WDR11: variants seen among roughly 807,000 people sequenced by gnomAD.
The protein encoded by WDR11 is WD repeat-containing protein 11.
WDR11 carries 83 observed loss-of-function variants against 151.2 expected under a neutral mutation model. That is an observed-to-expected ratio of 0.55 (90% confidence interval 0.46 to 0.66). The LOEUF is 0.66. Ranked by LOEUF, WDR11 falls within the 30% of genes least tolerant of loss-of-function variation. The probability of loss-of-function intolerance (pLI) is 0.00; values close to 1 mark genes in which losing one functional copy is unlikely to be tolerated. For missense variants in WDR11, 1,301 were observed against 1,480.9 expected (o/e 0.88, Z 1.99); for synonymous variants, 484 against 533.1 (o/e 0.91, Z 1.27).
At chr10:120,902,215 T>C in intron 21 of WDR11, 42 bp from the exon 22 acceptor site, 1 of 1,557,638 alleles carries the variant, frequency 6.4e-7, no homozygotes, top group Non-Finnish European at 8.9e-7. Context: ...TATTGTTTGA[T>C]TGAAAACTTT....
intron 1 of WDR11, chr10:120,851,811 G>C (rs1845785667): frequency 2.0e-6 from 1 of 497,204 alleles, no homozygotes; most frequent in African/African-American, 2.0e-5. Flanking sequence ...CCAGCTTCCA[G>C]GCTTCTCTCT....
chr10:120,905,213 T>A, intron 25 of WDR11, 106 bp from the exon 26 acceptor site: 1 of 1,055,710 alleles, frequency 9.5e-7, no homozygotes. Context: ...TCAGTAGGTA[T>A]AAAATGGGCA....
At chr10:120,860,750 C>T (rs1057422845) in intron 4 of WDR11, among the ~76,000 whole-genome samples, 2 of 152,158 alleles carry the variant, frequency 1.3e-5, no homozygotes, top group African/African-American at 4.8e-5. Context: ...TTTTTTCTTG[C>T]AGAGATAGTT....
rs148953584 is a variant in WDR11 at position 120,904,770 on chromosome 10, A to G, written c.3152A>G (p.Lys1051Arg). The change falls in exon 25 of 29, where the codon AAG becomes AGG. Residue 1051 changes from lysine (K) to arginine (R), a missense_variant. Lys to Arg is a conservative substitution (Grantham distance 26). Around this residue, in one of 3 missense-constraint regions of WDR11, gnomAD observed 589 missense variants for 670.6 expected, o/e 0.88. Coordinates refer to ENST00000263461, the MANE Select transcript of WDR11 (RefSeq NM_018117.12). ...TCAGGCCCCTCTCAGAGCACCATTA[A>G]GTTGGTGGCAACGAATATGATTGCC... ...TSSGPSQSTIKLVATNMIANG... is the reference protein window; with the variant it reads ...TSSGPSQSTIRLVATNMIANG... 6.2e-7 allele frequency: 1 copy of G among 1,614,194 alleles called. No individual in the cohort carries two copies. The highest frequency in any genetic ancestry group is 8.5e-7 in the Non-Finnish European group (1 of 1,180,038).
rs563535848 is a variant in WDR11, at chr10:120,860,166, C to T, written c.410C>T (p.Pro137Leu). The T allele has an allele frequency of 1.9e-5, 30 of 1,614,128 alleles. 1 individual carries two copies. The highest frequency in any genetic ancestry group is 1.3e-4 in the East Asian group (6 of 44,876). The change falls in exon 4 of 29, where the codon CCG (proline) becomes CTG (leucine). Residue 137 changes from proline to leucine, a missense_variant. Pro to Leu is a moderately conservative substitution (Grantham distance 98). Around this residue, in one of 3 missense-constraint regions of WDR11, gnomAD observed 692 missense variants for 762.5 expected, o/e 0.91. Transcript: ENST00000263461. ...ASRDLLLAIH[P>L]PNYIVLWNAD... ...CGCGATTTACTGCTTGCTATCCACC[C>T]GCCAAATTACATTGTGCTCTGGAAT...
At chr10:120,858,911 C>G (rs945542493) in intron 3 of WDR11, 115 bp downstream of exon 3, 2 of 1,323,380 alleles carry the variant, frequency 1.5e-6, no homozygotes, top group African/African-American at 1.5e-5. Flanking sequence ...CAAGTTAGCT[C>G]TTGATTGTGT....
Position 120,889,193 on chromosome 10 carries a change from C to T in WDR11, c.2228+9C>T. ...AAAGGCAGAGTATCCAGGTATAAGC[C>T]AAGAATGAAATCTTGTTATTTCATT... On this transcript the variant is annotated intron_variant, in intron 17 of 28. Transcript: ENST00000263461. 1 of 1,545,438 alleles carries T rather than the reference C, an allele frequency of 6.5e-7. No homozygotes were observed. The highest frequency in any genetic ancestry group is 8.9e-7 in the Non-Finnish European group (1 of 1,117,918).
At position 120,882,549 on chromosome 10, in the gene WDR11, T is replaced by G. The variant is rs556002573; in HGVS notation, c.1740-1231T>G. The stretch of plus-strand genomic sequence containing the variant: ...TTAAATACAAATTCAGTTTTGTTTT[T>G]TTTTTTCATAAATATAGGACTATTT... On this transcript the variant is annotated intron_variant, in intron 13 of 28. Coordinates refer to ENST00000263461, the MANE Select transcript of WDR11 (RefSeq NM_018117.12). Among the ~76,000 whole-genome samples the G allele has an allele frequency of 3.6e-3, 424 of 117,306 alleles. 2 individuals carry two copies. The highest frequency in any genetic ancestry group is 0.011 in the African/African-American group (367 of 32,880). The allele number at this position is 117,306 out of a possible 152,430, so 77.0% of individuals were successfully genotyped here. A position where few individuals can be genotyped will look rare whatever the true frequency, so the allele number is the denominator to read the frequency against.
At chr10:120,877,854 T>G (rs965569641) in intron 11 of WDR11, among the ~76,000 whole-genome samples, 1 of 152,226 alleles carries the variant, frequency 6.6e-6, no homozygotes, top group Non-Finnish European at 1.5e-5. Context: ...AGTGTGTGTG[T>G]TTTTAAAACC....
intron 8 of WDR11, 117 bp from the exon 9 acceptor site, chr10:120,866,949 T>G: frequency 9.4e-7 from 1 of 1,062,906 alleles, no homozygotes; most frequent in Admixed American, 2.0e-5. Context: ...ATGGGTAAGA[T>G]GAATGAATAA....
chr10:120,859,616 A>G (rs1007912020), intron 3 of WDR11, among the ~76,000 whole-genome samples: 1 of 152,088 alleles, frequency 6.6e-6, no homozygotes, highest in African/African-American at 2.4e-5. Context: ...TCTTGACTGA[A>G]TGAATTTTTT....
At chr10:120,869,638 T>G (rs974195889) in intron 9 of WDR11, among the ~76,000 whole-genome samples, 1 of 152,152 alleles carries the variant, frequency 6.6e-6, no homozygotes, top group Non-Finnish European at 1.5e-5. Context: ...TGATACTTAT[T>G]AAGGCCTAAT....
rs754590201 is a variant in WDR11 at position 120,902,261 on chromosome 10, A to G, written c.2692A>G (p.Ile898Val). ...TTGTCCGGATTTCTTCCACAGTGAC[A>G]TAAAGAAACTGTTGCTTGATCCAGA... ...QEQLNSLSNDIKKLLLDPEFT... is the reference protein window; with the variant it reads ...QEQLNSLSNDVKKLLLDPEFT... Residue 898 changes from isoleucine (I) to valine (V), a missense_variant, in exon 22 of 29, where the codon ATA becomes GTA. By Grantham distance (29) the Ile-to-Val change is conservative. Coordinates refer to ENST00000263461, the MANE Select transcript of WDR11 (RefSeq NM_018117.12). 1.3e-5 allele frequency: 21 copies of G among 1,614,112 alleles called. No homozygotes were observed. Among genetic ancestry groups the G allele is most frequent in the Middle Eastern group, 1.7e-4 (1 of 6,060 alleles).
In WDR11 at chr10:120,906,153, A is replaced by G. The variant is rs972583705; in HGVS notation, c.3437+132A>G. 2.4e-5 allele frequency: 37 copies of G among 1,556,066 alleles called. No individual in the cohort carries two copies. The Admixed American group carries it at 2.5e-4, about 10-fold the overall frequency. On this transcript the variant is annotated intron_variant, in intron 27 of 28. Transcript: ENST00000263461. ...AGAAGTATACATTTCAGGTTTGTCAAAAAACCCAAAGGAGAATGGAACTGT... is the reference window on the plus strand; with the variant it reads ...AGAAGTATACATTTCAGGTTTGTCAGAAAACCCAAAGGAGAATGGAACTGT...
At chr10:120,883,192 G>C (rs898448211) in intron 13 of WDR11, among the ~76,000 whole-genome samples, 14 of 152,038 alleles carry the variant, frequency 9.2e-5, no homozygotes, top group Non-Finnish European at 1.5e-5. Context: ...GGAGTACAGG[G>C]ATCTTCCTAC....
Position 120,860,202 on chromosome 10 carries a change from G to C in WDR11, c.446G>C (p.Gly149Ala). 6.2e-7 allele frequency: 1 copy of C among 1,614,080 alleles called. No individual in the cohort carries two copies. Among genetic ancestry groups the C allele is most frequent in the South Asian group, 1.1e-5 (1 of 91,078 alleles). ...NYIVLWNADT[G>A]TKLWKKSYAD... Reference sequence around the variant, plus strand: ...ATTGTGCTCTGGAATGCCGACACTGGCACCAAACTATGGAAGAAGAGCTAT... The same window carrying C: ...ATTGTGCTCTGGAATGCCGACACTGCCACCAAACTATGGAAGAAGAGCTAT... Residue 149 changes from glycine (G) to alanine (A), a missense_variant, in exon 4 of 29, where the codon GGC becomes GCC. Transcript: ENST00000263461.
Position 120,851,385 on chromosome 10 carries a change from G to A in WDR11, c.-36G>A, listed in dbSNP as rs776250855. The A allele has an allele frequency of 1.9e-6, 3 of 1,584,698 alleles. No homozygotes were observed. The highest frequency in any genetic ancestry group is 2.6e-6 in the Non-Finnish European group (3 of 1,163,590). ...GCACAGTGTCCGCCGCTTCCTGGTTGCGGGTCAGCGCCCAGGTCCTGGGCT... is the reference window on the plus strand; with the variant it reads ...GCACAGTGTCCGCCGCTTCCTGGTTACGGGTCAGCGCCCAGGTCCTGGGCT... On this transcript the variant is annotated 5_prime_UTR_variant, in exon 1 of 29. Transcript: ENST00000263461.
chr10:120,890,358 A>ATG (rs1847388332), intron 18 of WDR11, among the ~76,000 whole-genome samples: 4 of 151,998 alleles, frequency 2.6e-5, no homozygotes, highest in Admixed American at 2.6e-4. Flanking sequence ...GATTATAGGC[A>ATG]TGTGCCACCA....
Position 120,851,496 on chromosome 10 carries a change from G to A in WDR11, c.76G>A (p.Ala26Thr), listed in dbSNP as rs2133715854. 1 of 1,611,328 alleles carries A rather than the reference G, an allele frequency of 6.2e-7. No homozygotes were observed. Among genetic ancestry groups the A allele is most frequent in the South Asian group, 1.1e-5 (1 of 90,360 alleles). ...TGALNAHNKAAVDWGWQGLIA... is the reference protein window; with the variant it reads ...TGALNAHNKATVDWGWQGLIA... ...GGCCCTCAACGCCCACAACAAGGCG[G>A]CGGTGGACTGGTGAGGACGCCGAGC... Residue 26 changes from alanine (A) to threonine (T), a missense_variant, in exon 1 of 29, where the codon GCG becomes ACG. Physicochemically the swap from Ala to Thr is moderately conservative, Grantham distance 58. Transcript: ENST00000263461.
Sources: gnomAD v4.1 joint callset for allele counts (sites outside exome capture counted in the v4.1 genomes callset) on GRCh38, gnomAD v4.1.1 for gene constraint, gnomAD v4.1.1 regional missense constraint, MANE v1.5 for transcripts, NCBI Gene and HGNC (gene_info 2026-07-23, HGNC 2026-07-21) for gene names.